The following HELZ variants were observed in gnomAD, a reference collection of about 807,000 sequenced individuals.
HELZ encodes the protein helicase with zinc finger.
Under a neutral mutation model 218.2 loss-of-function variants are expected in HELZ, and 23 were observed. The observed-to-expected ratio is 0.11, with a 90% CI of 0.08 to 0.15. HELZ has a LOEUF of 0.15. HELZ is among the 10% of genes least tolerant of loss of function. The pLI is 1.00. For missense variants in HELZ, 1,813 were observed against 2,353.7 expected (o/e 0.77, Z 4.75); for synonymous variants, 814 against 829.4 (o/e 0.98, Z 0.32).
chr17:67,224,919 G>A (rs761813042), intron 3 of HELZ: 8 of 725,036 alleles, frequency 1.1e-5, no homozygotes, highest in South Asian at 5.4e-5. Context: ...CTACAAAGAC[G>A]ACTGTGCTAA....
Position 67,227,083 on chromosome 17 carries a change from CAT to C in HELZ, c.-18-8263_-18-8262del, listed in dbSNP as rs571911467. Reference sequence around the variant, plus strand: ...TGTGGTGATGGCTGCACAAACTAGACATGTGTTAAATTAGTAAAACTGTATAG... The same window carrying C: ...TGTGGTGATGGCTGCACAAACTAGACGTGTTAAATTAGTAAAACTGTATAG... On this transcript the variant is annotated intron_variant, in intron 3 of 32. Transcript: ENST00000358691. 3.8e-4 allele frequency among the ~76,000 whole-genome samples: 57 copies of C among 151,988 alleles called. 1 individual carries two copies. The highest frequency in any genetic ancestry group is 1.0e-3 in the African/African-American group (43 of 41,444).
rs1024771894 is a variant in HELZ, at chr17:67,219,177, G to A, written c.-18-355C>T. 3.9e-5 allele frequency among the ~76,000 whole-genome samples: 6 copies of A among 152,132 alleles called. No individual in the cohort carries two copies. In the South Asian group the frequency reaches 6.2e-4, roughly 16 times the overall value. On this transcript the variant is annotated intron_variant, in intron 3 of 32. Coordinates refer to ENST00000358691, the MANE Select transcript of HELZ (RefSeq NM_014877.4). ...CTTTCTTAACCAAAGGGACAGAAAC[G>A]TTTCATATCCAAATCTCCAAATTTC...
chr17:67,228,146 T>C (rs2040941586), intron 3 of HELZ, among the ~76,000 whole-genome samples: 1 of 152,232 alleles, frequency 6.6e-6, no homozygotes, highest in Admixed American at 6.5e-5. Flanking sequence ...AATCACTATC[T>C]CCTTTGATAG....
chr17:67,163,565 A>AT (rs11421490), intron 15 of HELZ, among the ~76,000 whole-genome samples: 7,660 of 148,824 alleles, frequency 0.051, 684 homozygotes, highest in African/African-American at 0.17. Context: ...CGCTCGGCTA[A>AT]TTTTTTTTTT....
At chr17:67,160,803 G>T in intron 16 of HELZ, 94 bp downstream of exon 16, 1 of 895,008 alleles carries the variant, frequency 1.1e-6, no homozygotes, top group Non-Finnish European at 1.6e-6. Context: ...AGAGCTGCAT[G>T]AAAACTGTCT....
At chr17:67,145,954 GA>G (rs34812114) in intron 20 of HELZ, 64 bp from the exon 21 acceptor site, 538 of 1,270,440 alleles carry the variant, frequency 4.2e-4, no homozygotes, top group African/African-American at 7.6e-4. Context: ...TCACCCATAA[GA>G]AAAAAAAAAT....
chr17:67,127,464 T>C (rs2037835750), intron 24 of HELZ, among the ~76,000 whole-genome samples: 1 of 152,204 alleles, frequency 6.6e-6, no homozygotes, highest in South Asian at 2.1e-4. Flanking sequence ...CAACAGTATA[T>C]TAACACAGAG....
chr17:67,205,918 T>C (rs1212205007), intron 5 of HELZ, among the ~76,000 whole-genome samples: 1 of 152,256 alleles, frequency 6.6e-6, no homozygotes, highest in Non-Finnish European at 1.5e-5. Context: ...AATTTATGTA[T>C]GGGAGGATCC....
At position 67,108,958 on chromosome 17, in the gene HELZ, C is replaced by T. The variant is rs938779387; in HGVS notation, c.4489+158G>A. Among the ~76,000 whole-genome samples the T allele has an allele frequency of 3.3e-5, 5 of 152,172 alleles. No individual in the cohort carries two copies. Among genetic ancestry groups the T allele is most frequent in the Non-Finnish European group, 5.9e-5 (4 of 68,042 alleles). On this transcript the variant is annotated intron_variant, in intron 29 of 32. Coordinates refer to ENST00000358691, the MANE Select transcript of HELZ (RefSeq NM_014877.4). The surrounding 1 kb of genome is among the most constrained non-coding windows in gnomAD (Gnocchi z 4.1). ...CTGACATCCACTGGATACTATCATACAGCATTTAGAACTAGTTTCTGATTA... is the reference window on the plus strand; with the variant it reads ...CTGACATCCACTGGATACTATCATATAGCATTTAGAACTAGTTTCTGATTA...
chr17:67,195,852 C>CCTTTTTTTTTTTTTTTTTTT (rs2040011706), intron 7 of HELZ, among the ~76,000 whole-genome samples: 1 of 84,852 alleles, frequency 1.2e-5, no homozygotes, highest in Non-Finnish European at 2.3e-5. Flanking sequence ...TTTTTTTTTT[C>CCTTTTTTTTTTTTTTTTTTT]TTTTTTTTTT....
intron 21 of HELZ, 86 bp from the exon 22 acceptor site, chr17:67,138,200 G>C: frequency 1.8e-6 from 2 of 1,137,818 alleles, no homozygotes; most frequent in Non-Finnish European, 2.3e-6. Flanking sequence ...GATTTATAAA[G>C]GATCCCATTT....
In HELZ at chr17:67,108,440, A is replaced by G; in HGVS notation, c.4724+52T>C. 1 of 1,372,992 alleles carries G rather than the reference A, an allele frequency of 7.3e-7. No homozygotes were observed. The highest frequency in any genetic ancestry group is 1.0e-6 in the Non-Finnish European group (1 of 967,212). 85.1% of individuals were successfully genotyped at this position (1,372,992 alleles called of 1,614,324 possible). A position where few individuals can be genotyped will look rare whatever the true frequency, so the allele number is the denominator to read the frequency against. On this transcript the variant is annotated intron_variant, in intron 30 of 32. Coordinates refer to ENST00000358691, the MANE Select transcript of HELZ (RefSeq NM_014877.4). The surrounding 1 kb of genome is among the most constrained non-coding windows in gnomAD (Gnocchi z 4.1). ...GCTAAAAGGACTACAGTCAAAAAAG[A>G]GAACAGTGAGGGGGTCGCATTCCAG...
Position 67,114,393 on chromosome 17 carries a change from A to T in HELZ, c.3849T>A (p.Asp1283Glu), listed in dbSNP as rs769957349. 10 of 1,602,102 alleles carry T rather than the reference A, an allele frequency of 6.2e-6. No individual in the cohort carries two copies. The highest frequency in any genetic ancestry group is 1.3e-5 in the African/African-American group (1 of 74,694). The change falls in exon 28 of 33, where the codon GAT (aspartate) becomes GAA (glutamate). Residue 1283 changes from aspartate to glutamate, a missense_variant. Physicochemically the swap from Asp to Glu is conservative, Grantham distance 45 (BLOSUM62 2). This residue lies in a region of HELZ where 938 missense variants were observed against 1,027.5 expected (regional missense o/e 0.91). Transcript: ENST00000358691. ...TAATTTCAGGTCCGGAATTATTTGT[A>T]TCACTTTTACCTAAGAAAATATTTA... is the stretch of plus-strand genomic sequence containing the variant. ...QHEQNRNGKS[D>E]TNNSGPEINK...
intron 18 of HELZ, 118 bp from the exon 19 acceptor site, chr17:67,150,103 G>T: frequency 4.0e-6 from 2 of 503,808 alleles, no homozygotes; most frequent in South Asian, 2.3e-5. Flanking sequence ...TAAGAGTATT[G>T]AGTACTTTTA....
Position 67,188,071 on chromosome 17 carries a change from C to A in HELZ, c.1162+248G>T. 2.4e-6 allele frequency: 1 copy of A among 410,450 alleles called. No homozygotes were observed. The allele number at this position is 410,450 out of a possible 1,614,324, so 25.4% of individuals were successfully genotyped here. A position where few individuals can be genotyped will look rare whatever the true frequency, so the allele number is the denominator to read the frequency against. On this transcript the variant is annotated intron_variant, in intron 12 of 32. Coordinates refer to ENST00000358691, the MANE Select transcript of HELZ (RefSeq NM_014877.4). The surrounding 1 kb of genome is among the most constrained non-coding windows in gnomAD (Gnocchi z 4.1). ...ATGAAACTGGTAGACCAAAACAGGT[C>A]TGATCATCTACTCATACAAGTTTGG... is the stretch of plus-strand genomic sequence containing the variant.
chr17:67,144,190 T>C (rs557774192), intron 21 of HELZ, among the ~76,000 whole-genome samples: 1 of 152,274 alleles, frequency 6.6e-6, no homozygotes, highest in East Asian at 1.9e-4. Flanking sequence ...AATAAACCTA[T>C]ATTAGTATCC....
intron 17 of HELZ, among the ~76,000 whole-genome samples, chr17:67,155,639 C>T (rs1000011650): frequency 3.3e-5 from 5 of 152,130 alleles, no homozygotes; most frequent in Non-Finnish European, 7.4e-5. Context: ...GAGTTCGAGG[C>T]CAGCCTGGCC....
intron 28 of HELZ, among the ~76,000 whole-genome samples, chr17:67,114,060 A>G (rs118170112): frequency 0.011 from 1,670 of 152,326 alleles, 20 homozygotes; most frequent in South Asian, 0.018. Flanking sequence ...CTCTGTCTTC[A>G]TTTACTACCT....
intron 17 of HELZ, among the ~76,000 whole-genome samples, chr17:67,157,028 A>G (rs755950679): frequency 3.3e-5 from 5 of 152,034 alleles, no homozygotes; most frequent in Non-Finnish European, 7.4e-5. Flanking sequence ...GGCACCTCCC[A>G]CACGTACACT....
Sources: gnomAD v4.1 joint callset for allele counts (sites outside exome capture counted in the v4.1 genomes callset) on GRCh38, gnomAD v4.1.1 for gene constraint, gnomAD v4.1.1 regional missense constraint, Gnocchi (gnomAD v3.1) non-coding constraint, MANE v1.5 for transcripts, NCBI Gene and HGNC (gene_info 2026-07-23, HGNC 2026-07-21) for gene names.